Variants in IGF1 observed in about 807,000 individuals in gnomAD.
IGF1 encodes insulin-like growth factor 1.
A neutral mutation model predicts 13.8 loss-of-function variants in IGF1; 4 were observed. The observed-to-expected ratio is 0.29, with a 90% CI of 0.14 to 0.66. The LOEUF (loss-of-function observed/expected upper bound fraction) is 0.66, where lower values mean the gene tolerates loss of function less well. IGF1 is among the 30% of genes least tolerant of loss of function. The pLI is 0.78. For synonymous variants in IGF1, 76 were observed against 72.6 expected, an observed-to-expected ratio of 1.05 and a Z score of -0.23; for missense variants, 124 against 188.5, an observed-to-expected ratio of 0.66 and a Z score of 2.00.
Position 102,456,227 on chromosome 12 carries a change from T to TGG in IGF1, c.220+19415_220+19416insCC, listed in dbSNP as rs1879390518. Among the ~76,000 whole-genome samples, 4 of 109,758 alleles carry TGG rather than the reference T, an allele frequency of 3.6e-5. No homozygotes were observed. In the South Asian group the frequency reaches 1.0e-3, roughly 29 times the overall value. The allele number at this position is 109,758 out of a possible 152,430, so 72.0% of individuals were successfully genotyped here. A position where few individuals can be genotyped will look rare whatever the true frequency, so the allele number is the denominator to read the frequency against. On this transcript the variant is annotated intron_variant, in intron 2 of 3. Coordinates refer to ENST00000337514, the MANE Select transcript of IGF1 (RefSeq NM_000618.5). The stretch of plus-strand genomic sequence containing the variant: ...ATTTTTTCCATTTAAAAAAGGTGTG[T>TGG]GTGTGTGTGTGTGTGTGTGTGTGTG...
chr12:102,477,749 T>C (rs1881151196), intron 1 of IGF1, among the ~76,000 whole-genome samples: 1 of 152,096 alleles, frequency 6.6e-6, no homozygotes, highest in Non-Finnish European at 1.5e-5. Flanking sequence ...ACCCCTCCCT[T>C]CTTTGTTGCG....
At chr12:102,441,917 T>TCTTCC (rs1565984662) in intron 2 of IGF1, among the ~76,000 whole-genome samples, 27 of 114,392 alleles carry the variant, frequency 2.4e-4, no homozygotes, top group Middle Eastern at 3.8e-3. Context: ...CTTCTTCTCC[T>TCTTCC]TCTTCTTCTT....
intron 2 of IGF1, among the ~76,000 whole-genome samples, chr12:102,446,388 C>A (rs1319030741): frequency 6.6e-6 from 1 of 152,086 alleles, no homozygotes; most frequent in African/African-American, 2.4e-5. Context: ...TTAATTACTG[C>A]CTCAATTTCA....
chr12:102,425,160 T>G (rs922407720), intron 2 of IGF1, among the ~76,000 whole-genome samples: 1 of 152,236 alleles, frequency 6.6e-6, no homozygotes, highest in Non-Finnish European at 1.5e-5. Flanking sequence ...TTGCCTGCCT[T>G]ATACTTTGCT....
intron 2 of IGF1, among the ~76,000 whole-genome samples, chr12:102,468,274 C>G (rs1340639976): frequency 6.6e-6 from 1 of 152,196 alleles, no homozygotes; most frequent in African/African-American, 2.4e-5. Context: ...GTCTGTGCTG[C>G]TGATGATCAA....
chr12:102,454,855 C>A (rs1879262184), intron 2 of IGF1, among the ~76,000 whole-genome samples: 1 of 152,216 alleles, frequency 6.6e-6, no homozygotes, highest in Non-Finnish European at 1.5e-5. Context: ...AGTCTGGGGA[C>A]AAATTGGTGA....
rs773464742 is a variant in IGF1 at position 102,417,839 on chromosome 12, G to C, written c.402+1670C>G. Reference sequence around the variant, plus strand: ...TCCTTCATTTTCCTTTTTTGCCTCTGCATTCAGCATTTCTACTTCCAATCT... The same window carrying C: ...TCCTTCATTTTCCTTTTTTGCCTCTCCATTCAGCATTTCTACTTCCAATCT... On this transcript the variant is annotated intron_variant, in intron 3 of 3. Transcript: ENST00000337514. 1.9e-6 allele frequency: 3 copies of C among 1,612,820 alleles called. No homozygotes were observed. In the African/African-American group the frequency reaches 4.0e-5, roughly 22 times the overall value.
intron 3 of IGF1, 59 bp downstream of exon 3, chr12:102,419,450 C>T (rs1354391710): frequency 1.3e-6 from 2 of 1,543,360 alleles, no homozygotes; most frequent in African/African-American, 1.4e-5. Flanking sequence ...CTTGGCCCAC[C>T]CACATGCACA....
chr12:102,479,941 A>G (rs1277723500), intron 1 of IGF1, among the ~76,000 whole-genome samples: 1 of 150,386 alleles, frequency 6.6e-6, no homozygotes, highest in Non-Finnish European at 1.5e-5. Context: ...GCAAAAGAAC[A>G]TGGTCTTAAA....
intron 1 of IGF1, 31 bp downstream of exon 1, chr12:102,480,288 C>A: frequency 6.3e-7 from 1 of 1,597,272 alleles, no homozygotes; most frequent in South Asian, 1.1e-5. Flanking sequence ...ATAGAATTCC[C>A]CAATGACTTC....
Position 102,407,695 on chromosome 12 carries a change from A to T in IGF1, c.403-5129T>A, listed in dbSNP as rs374726899. Among the ~76,000 whole-genome samples the T allele has an allele frequency of 2.6e-5, 4 of 152,172 alleles. No homozygotes were observed. The East Asian group carries it at 7.7e-4, about 29-fold the overall frequency. On this transcript the variant is annotated intron_variant, in intron 3 of 3. Transcript: ENST00000337514. Reference sequence around the variant, plus strand: ...TAGTTGATAATATCATGAGCTGCCCATGCTTCCAGATGGGGGTAGATGCTA... The same window carrying T: ...TAGTTGATAATATCATGAGCTGCCCTTGCTTCCAGATGGGGGTAGATGCTA...
upstream of IGF1, chr12:102,480,690 T>C: frequency 1.0e-6 from 1 of 986,456 alleles, no homozygotes. Context: ...AAGGACTTTT[T>C]TGGGCATGGT....
rs1246709789 is a variant in IGF1 at position 102,474,908 on chromosome 12, C to T, written c.220+735G>A. Among the ~76,000 whole-genome samples, 3 of 152,134 alleles carry T rather than the reference C, an allele frequency of 2.0e-5. No homozygotes were observed. In the East Asian group the frequency reaches 5.8e-4, roughly 29 times the overall value. On this transcript the variant is annotated intron_variant, in intron 2 of 3. Transcript: ENST00000337514. The stretch of plus-strand genomic sequence containing the variant: ...TTTTACTGGCTGTTGACTTTCTAAT[C>T]ACCTAAGAGCTATTTAAGAGATAAG...
At chr12:102,437,102 T>C (rs1458891166) in intron 2 of IGF1, among the ~76,000 whole-genome samples, 1 of 152,240 alleles carries the variant, frequency 6.6e-6, no homozygotes, top group African/African-American at 2.4e-5. Context: ...AGCATATGCC[T>C]TCTCAACGAA....
chr12:102,412,405 C>T (rs78668884), intron 3 of IGF1, among the ~76,000 whole-genome samples: 22 of 152,096 alleles, frequency 1.4e-4, no homozygotes, highest in African/African-American at 3.1e-4. Context: ...CACACACACG[C>T]GCACACACAC....
At position 102,458,812 on chromosome 12, in the gene IGF1, A is replaced by T. The variant is rs201942902; in HGVS notation, c.220+16831T>A. Among the ~76,000 whole-genome samples the T allele has an allele frequency of 7.2e-5, 11 of 151,884 alleles. No homozygotes were observed. In the East Asian group the frequency reaches 2.1e-3, roughly 29 times the overall value. ...CTCTCTCAGAGGAAAGAGGGTTGAC[A>T]TCTGGTAGAAGATTTTACAGAGGAG... On this transcript the variant is annotated intron_variant, in intron 2 of 3. Transcript: ENST00000337514.
chr12:102,434,461 C>A (rs1276845028), intron 2 of IGF1, among the ~76,000 whole-genome samples: 1 of 150,500 alleles, frequency 6.6e-6, no homozygotes, highest in East Asian at 2.0e-4. Flanking sequence ...CATCCATGTC[C>A]CTACAAAGGA....
At chr12:102,449,143 C>A (rs1460038879) in intron 2 of IGF1, among the ~76,000 whole-genome samples, 1 of 152,088 alleles carries the variant, frequency 6.6e-6, no homozygotes, top group African/African-American at 2.4e-5. Context: ...GACTTGGAAC[C>A]AACCCAAATG....
At chr12:102,427,737 G>T (rs1876335511) in intron 2 of IGF1, among the ~76,000 whole-genome samples, 1 of 152,168 alleles carries the variant, frequency 6.6e-6, no homozygotes, top group Non-Finnish European at 1.5e-5. Flanking sequence ...TAAACTGTTG[G>T]AAGACAGCCT....
Sources: gnomAD v4.1 joint callset for allele counts (sites outside exome capture counted in the v4.1 genomes callset) on GRCh38, gnomAD v4.1.1 for gene constraint, MANE v1.5 for transcripts, NCBI Gene and HGNC (gene_info 2026-07-23, HGNC 2026-07-21) for gene names.